Variants in SGK1 observed in about 807,000 individuals in gnomAD.
SGK1 encodes serine/threonine-protein kinase Sgk1.
In SGK1, 26 loss-of-function variants were observed where a neutral mutation model predicts 64.2. The ratio of observed to expected loss-of-function variants is 0.40; its 90% CI spans 0.30 to 0.56. The LOEUF is 0.56. Among genes scored for constraint, SGK1 ranks in the 20% least tolerant of loss-of-function variants. SGK1 has a pLI of 0.38. For synonymous variants in SGK1, 265 were observed against 239.7 expected (o/e 1.11, Z -0.98); for missense variants, 519 against 645.6 (o/e 0.80, Z 2.12).
In SGK1 at chr6:134,270,047, G is replaced by A. The variant is rs1023985685; in HGVS notation, c.70-7899C>T. On this transcript the variant is annotated intron_variant, in intron 1 of 13. Transcript: ENST00000367858. ...AGCAATTCTCCTGCTTCAGCCTCCC[G>A]AGTAGCTGGGATTACAGACGTGTGT... 1.4e-5 allele frequency among the ~76,000 whole-genome samples: 2 copies of A among 147,404 alleles called. 1 individual carries two copies. Among genetic ancestry groups the A allele is most frequent in the African/African-American group, 4.9e-5 (2 of 40,982 alleles).
At chr6:134,176,517 G>A (rs1015834186) in intron 3 of SGK1, among the ~76,000 whole-genome samples, 2 of 152,200 alleles carry the variant, frequency 1.3e-5, no homozygotes, top group African/African-American at 4.8e-5. Context: ...AGCCAGTGCT[G>A]GCCGGGAAGC....
Position 134,293,042 on chromosome 6 carries a change from CCT to C in SGK1, c.69+24348_69+24349del, listed in dbSNP as rs367776866. On this transcript the variant is annotated intron_variant, in intron 1 of 13. Transcript: ENST00000367858. The stretch of plus-strand genomic sequence containing the variant: ...CCAGACTGTGCTTTCAGATAAACTC[CCT>C]GTTTTCATCTGTGTGCCATAAAAGA... Among the ~76,000 whole-genome samples, 32 of 152,280 alleles carry C rather than the reference CCT, an allele frequency of 2.1e-4. No individual in the cohort carries two copies. In the East Asian group the frequency reaches 3.9e-3, roughly 18 times the overall value.
intron 11 of SGK1, 179 bp from the exon 12 acceptor site, chr6:134,171,357 T>TG: frequency 7.6e-6 from 5 of 655,850 alleles, no homozygotes; most frequent in East Asian, 2.7e-5. Flanking sequence ...CGTGTGTGTG[T>TG]TTGTGTGTGT....
chr6:134,247,221 T>A (rs1562263713), intron 2 of SGK1, among the ~76,000 whole-genome samples: 1 of 151,916 alleles, frequency 6.6e-6, no homozygotes, highest in East Asian at 1.9e-4. Flanking sequence ...AATACTTTGG[T>A]AAAGTTGAGG....
At chr6:134,198,733 T>C in intron 3 of SGK1, among the ~76,000 whole-genome samples, 1 of 137,826 alleles carries the variant, frequency 7.3e-6, no homozygotes, top group African/African-American at 3.0e-5. Context: ...TCTATTTTTT[T>C]TTTTTTTTTT....
intron 3 of SGK1, among the ~76,000 whole-genome samples, chr6:134,191,959 C>G (rs1361872986): frequency 6.6e-6 from 1 of 151,608 alleles, no homozygotes; most frequent in African/African-American, 2.4e-5. Context: ...CTCAGCCTCC[C>G]AAGTAGCTGG....
chr6:134,303,580 C>A (rs1446597667), intron 1 of SGK1, among the ~76,000 whole-genome samples: 1 of 151,692 alleles, frequency 6.6e-6, no homozygotes. Context: ...AAATTCAGTA[C>A]AGTTGGATAC....
chr6:134,185,516 C>T (rs1292729354), intron 3 of SGK1, among the ~76,000 whole-genome samples: 1 of 150,026 alleles, frequency 6.7e-6, no homozygotes, highest in Admixed American at 6.7e-5. Flanking sequence ...ATGCTTAGTG[C>T]CAAGTTAAGA....
intron 2 of SGK1, among the ~76,000 whole-genome samples, chr6:134,255,309 A>G (rs1310476598): frequency 6.6e-6 from 1 of 152,276 alleles, no homozygotes; most frequent in Admixed American, 6.5e-5. Context: ...AATGGATATT[A>G]CTGTACCTAT....
In SGK1 at chr6:134,203,577, C is replaced by T. The variant is rs757394898; in HGVS notation, c.361+3779G>A. Among the ~76,000 whole-genome samples the T allele has an allele frequency of 5.9e-5, 9 of 152,042 alleles. No homozygotes were observed. The East Asian group carries it at 7.7e-4, about 13-fold the overall frequency. ...CCACATGATGTCTATAAGATAAGCACCTTAACTATAAGACACAGGTTGAAA... is the reference window on the plus strand; with the variant it reads ...CCACATGATGTCTATAAGATAAGCATCTTAACTATAAGACACAGGTTGAAA... On this transcript the variant is annotated intron_variant, in intron 3 of 13. Coordinates refer to ENST00000367858, the MANE Select transcript of SGK1 (RefSeq NM_001143676.3).
chr6:134,316,066 A>G (rs766675766), intron 1 of SGK1, among the ~76,000 whole-genome samples: 129 of 152,208 alleles, frequency 8.5e-4, no homozygotes, highest in Admixed American at 3.2e-3. Context: ...AGCAGGGGCC[A>G]GGACAGGTTG....
At chr6:134,195,499 CTT>C (rs1703520046) in intron 3 of SGK1, among the ~76,000 whole-genome samples, 1 of 152,286 alleles carries the variant, frequency 6.6e-6, no homozygotes, top group South Asian at 2.1e-4. Flanking sequence ...ATCTGACAAA[CTT>C]TTCACTGCCA....
intron 2 of SGK1, among the ~76,000 whole-genome samples, chr6:134,232,073 C>A (rs1429926328): frequency 1.3e-5 from 2 of 150,524 alleles, no homozygotes; most frequent in Non-Finnish European, 2.9e-5. Context: ...AGAAACATTA[C>A]CTATATTAAG....
chr6:134,277,681 T>G (rs2114766417), intron 1 of SGK1, among the ~76,000 whole-genome samples: 1 of 152,248 alleles, frequency 6.6e-6, no homozygotes, highest in African/African-American at 2.4e-5. Flanking sequence ...TCCACTCCCC[T>G]AAGTCCCCCA....
intron 3 of SGK1, among the ~76,000 whole-genome samples, chr6:134,185,661 AAAGAG>A (rs1775411270): frequency 6.6e-6 from 1 of 151,910 alleles, no homozygotes; most frequent in African/African-American, 2.4e-5. Context: ...GGAGAAAGAG[AAAGAG>A]AAGAGAGGAG....
At chr6:134,265,501 T>TAC (rs1776836429) in intron 1 of SGK1, among the ~76,000 whole-genome samples, 1 of 147,436 alleles carries the variant, frequency 6.8e-6, no homozygotes, top group African/African-American at 2.5e-5. Context: ...AATATATATA[T>TAC]ACACATATAT....
chr6:134,247,752 GCCAA>G (rs1776545621), intron 2 of SGK1, among the ~76,000 whole-genome samples: 1 of 152,166 alleles, frequency 6.6e-6, no homozygotes. Flanking sequence ...GGAAGCCAGA[GCCAA>G]CTCTATGTCA....
intron 3 of SGK1, 121 bp downstream of exon 3, chr6:134,207,228 GAAAAACA>G (rs922234909): frequency 1.4e-4 from 90 of 663,252 alleles, no homozygotes; most frequent in East Asian, 9.8e-4. Flanking sequence ...TCTGTCTCAA[GAAAAACA>G]AAAAACAAAA....
intron 1 of SGK1, among the ~76,000 whole-genome samples, chr6:134,274,787 GTCTTT>G (rs142632426): frequency 0.28 from 42,282 of 149,916 alleles, 6,419 homozygotes; most frequent in East Asian, 0.56. Context: ...TGCCCTTTTA[GTCTTT>G]TCTTTTCTTT....
Sources: gnomAD v4.1 joint callset for allele counts (sites outside exome capture counted in the v4.1 genomes callset) on GRCh38, gnomAD v4.1.1 for gene constraint, MANE v1.5 for transcripts, NCBI Gene and HGNC (gene_info 2026-07-23, HGNC 2026-07-21) for gene names.